ACER3: variants seen among roughly 807,000 people sequenced by gnomAD.
ACER3 encodes alkCDase 3.
Under a neutral mutation model 48.9 loss-of-function variants are expected in ACER3, and 16 were observed. That is an observed-to-expected ratio of 0.33 (90% confidence interval 0.22 to 0.50). The LOEUF is 0.50. Among genes scored for constraint, ACER3 ranks in the 20% least tolerant of loss-of-function variants. The pLI is 0.98. For synonymous variants in ACER3, 109 were observed against 107.8 expected (o/e 1.01, Z -0.07); for missense variants, 227 against 326.0 (o/e 0.70, Z 2.34).
At chr11:76,917,821 A>G (rs558479237) in intron 1 of ACER3, among the ~76,000 whole-genome samples, 15 of 150,706 alleles carry the variant, frequency 1.0e-4, no homozygotes, top group African/African-American at 3.4e-4. Context: ...TGATTGTGCC[A>G]CTGAACTCAC....
At chr11:76,952,139 T>TAC (rs71272233) in intron 2 of ACER3, among the ~76,000 whole-genome samples, 3,093 of 72,686 alleles carry the variant, frequency 0.043, 43 homozygotes, top group Middle Eastern at 0.051. Flanking sequence ...TATATATATA[T>TAC]ACACACACAC....
intron 1 of ACER3, among the ~76,000 whole-genome samples, chr11:76,875,335 A>G (rs1400883926): frequency 6.6e-6 from 1 of 151,624 alleles, no homozygotes; most frequent in Non-Finnish European, 1.5e-5. Flanking sequence ...ACTGGTCTCG[A>G]TCTCCTTACC....
chr11:76,933,489 C>T (rs540945871), intron 2 of ACER3, among the ~76,000 whole-genome samples: 414 of 150,786 alleles, frequency 2.7e-3, no homozygotes, highest in Non-Finnish European at 3.6e-3. Context: ...TGACTCTTAA[C>T]GAGCATGCTG....
In ACER3 at chr11:76,985,720, C is replaced by T; in HGVS notation, c.398C>T (p.Thr133Ile). The T allele has an allele frequency of 6.6e-7, 1 of 1,510,744 alleles. No homozygotes were observed. The highest frequency in any genetic ancestry group is 1.4e-5 in the African/African-American group (1 of 69,824). The allele number at this position is 1,510,744 out of a possible 1,614,324, so 93.6% of individuals were successfully genotyped here. Reference protein sequence around the residue: ...FTLVLFSLIVTTVYLKVKEPI... With the variant: ...FTLVLFSLIVITVYLKVKEPI... ...TTAGTTCTATTCAGTTTAATAGTAA[C>T]CACAGTAAGTCATATTTTGTTTCTA... The change falls in exon 5 of 11, where the codon ACC becomes ATC. Residue 133 changes from threonine (T) to isoleucine (I), a missense_variant. Thr to Ile is a moderately conservative substitution (Grantham distance 89). Coordinates refer to ENST00000532485, the MANE Select transcript of ACER3 (RefSeq NM_018367.7).
intron 1 of ACER3, among the ~76,000 whole-genome samples, chr11:76,923,494 T>TCATG (rs1167203571): frequency 6.6e-6 from 1 of 152,214 alleles, no homozygotes; most frequent in Non-Finnish European, 1.5e-5. Flanking sequence ...TCCTCATGGA[T>TCATG]CATGTTTCTT....
intron 2 of ACER3, among the ~76,000 whole-genome samples, chr11:76,952,881 G>T (rs753130548): frequency 7.9e-5 from 12 of 151,664 alleles, no homozygotes; most frequent in Non-Finnish European, 1.5e-4. Flanking sequence ...GGCCAGGCTG[G>T]TCTCAAACTC....
At chr11:76,969,508 T>A (rs10899336) in intron 3 of ACER3, among the ~76,000 whole-genome samples, 1 of 151,676 alleles carries the variant, frequency 6.6e-6, no homozygotes, top group South Asian at 2.1e-4. Context: ...ATGTTTATTG[T>A]GGCACTATTC....
chr11:77,003,161 T>C (rs1259910825), intron 7 of ACER3, among the ~76,000 whole-genome samples: 3 of 152,254 alleles, frequency 2.0e-5, no homozygotes, highest in Non-Finnish European at 2.9e-5. Flanking sequence ...ATTAAACATA[T>C]GCAGAAAAAT....
chr11:76,992,757 A>G (rs539270419), intron 6 of ACER3, among the ~76,000 whole-genome samples: 1 of 152,240 alleles, frequency 6.6e-6, no homozygotes, highest in Non-Finnish European at 1.5e-5. Context: ...TATGATCTAC[A>G]TACAGTCAAG....
intron 2 of ACER3, among the ~76,000 whole-genome samples, chr11:76,942,923 A>G (rs1001786136): frequency 5.3e-5 from 8 of 151,912 alleles, no homozygotes; most frequent in Non-Finnish European, 5.9e-5. Flanking sequence ...GGGAGGTTGT[A>G]TGTTTCCCAG....
At chr11:76,940,184 T>C (rs898950537) in intron 2 of ACER3, among the ~76,000 whole-genome samples, 7 of 152,144 alleles carry the variant, frequency 4.6e-5, no homozygotes, top group Admixed American at 3.9e-4. Flanking sequence ...GTTCTCACTA[T>C]GTTGGCCTGG....
intron 9 of ACER3, among the ~76,000 whole-genome samples, chr11:77,018,269 G>A (rs966843635): frequency 5.9e-5 from 9 of 152,090 alleles, no homozygotes; most frequent in African/African-American, 1.9e-4. Context: ...TGTTACTATT[G>A]TAATTGTTTT....
chr11:76,889,372 C>T (rs760128980), intron 1 of ACER3, among the ~76,000 whole-genome samples: 4 of 151,874 alleles, frequency 2.6e-5, no homozygotes, highest in Non-Finnish European at 5.9e-5. Flanking sequence ...TACAACTCAT[C>T]TAGGTATTTG....
rs944510784 is a variant in ACER3 at position 77,026,444 on chromosome 11, A to G, written c.*6117A>G. On this transcript the variant is annotated 3_prime_UTR_variant, in exon 11 of 11. Transcript: ENST00000532485. ...GACTCATGTGGCATTGTTCACTATC[A>G]TGCCTTTCCATACTTGTAATATTTC... The G allele has an allele frequency of 2.6e-5, 4 of 152,186 alleles. No individual in the cohort carries two copies. The highest frequency in any genetic ancestry group is 9.6e-5 in the African/African-American group (4 of 41,452). The allele number at this position is 152,186 out of a possible 1,614,324, so 9.4% of individuals were successfully genotyped here.
At chr11:76,924,949 C>G (rs1174199719) in intron 1 of ACER3, among the ~76,000 whole-genome samples, 3 of 117,682 alleles carry the variant, frequency 2.5e-5, no homozygotes, top group African/African-American at 9.2e-5. Context: ...GCACTCCAGC[C>G]TGGGCAACAG....
At chr11:77,002,974 G>C (rs1250266067) in intron 7 of ACER3, among the ~76,000 whole-genome samples, 1 of 152,134 alleles carries the variant, frequency 6.6e-6, no homozygotes, top group Non-Finnish European at 1.5e-5. Context: ...GAAGGCATTG[G>C]AGAGTTATCG....
chr11:76,907,099 G>T (rs1281388792), intron 1 of ACER3, among the ~76,000 whole-genome samples: 1 of 151,890 alleles, frequency 6.6e-6, no homozygotes, highest in Non-Finnish European at 1.5e-5. Flanking sequence ...TACAGGATTG[G>T]ATCATCAACT....
At chr11:76,976,383 T>C in intron 4 of ACER3, 42 bp downstream of exon 4, 1 of 1,292,384 alleles carries the variant, frequency 7.7e-7, no homozygotes, top group Non-Finnish European at 1.1e-6. Flanking sequence ...TATTTTTAAA[T>C]TTATATTTAC....
intron 7 of ACER3, among the ~76,000 whole-genome samples, chr11:77,003,831 C>T (rs1434979186): frequency 6.6e-6 from 1 of 152,096 alleles, no homozygotes; most frequent in East Asian, 1.9e-4. Context: ...TATGTTGTTT[C>T]ACATTCAAGA....
Sources: gnomAD v4.1 joint callset for allele counts (sites outside exome capture counted in the v4.1 genomes callset) on GRCh38, gnomAD v4.1.1 for gene constraint, MANE v1.5 for transcripts, NCBI Gene and HGNC (gene_info 2026-07-23, HGNC 2026-07-21) for gene names.